The following CCDC77 variants were observed in gnomAD, a reference collection of about 807,000 sequenced individuals.
The protein encoded by CCDC77 is coiled-coil domain containing 77.
Under a neutral mutation model 66.8 loss-of-function variants are expected in CCDC77, and 56 were observed. The observed-to-expected ratio is 0.84, with a 90% CI of 0.68 to 1.05. The LOEUF (loss-of-function observed/expected upper bound fraction) is 1.05, where lower values mean the gene tolerates loss of function less well. Ranked by LOEUF, CCDC77 falls within the 50% of genes least tolerant of loss-of-function variation. The probability of loss-of-function intolerance (pLI) is 0.00; values close to 1 mark genes in which losing one functional copy is unlikely to be tolerated. For missense variants in CCDC77, 570 were observed against 576.8 expected (o/e 0.99, Z 0.12); for synonymous variants, 196 against 195.2 (o/e 1.00, Z -0.03).
chr12:391,386 T>C (rs1242127721), intron 1 of CCDC77, among the ~76,000 whole-genome samples: 1 of 151,078 alleles, frequency 6.6e-6, no homozygotes, highest in Non-Finnish European at 1.5e-5. Flanking sequence ...ACCCAGGAGG[T>C]GGAAGTTGTA....
intron 4 of CCDC77, among the ~76,000 whole-genome samples, chr12:416,397 A>ATGTG (rs1565569280): frequency 6.3e-5 from 3 of 47,902 alleles, no homozygotes; most frequent in African/African-American, 2.4e-4. Context: ...ATATATATAT[A>ATGTG]TATATATATA....
In CCDC77 at chr12:440,723, T is replaced by G. The variant is rs1945842111; in HGVS notation, c.1148T>G (p.Met383Arg). 1.9e-6 allele frequency: 3 copies of G among 1,613,960 alleles called. No individual in the cohort carries two copies. The highest frequency in any genetic ancestry group is 3.3e-5 in the Admixed American group (2 of 59,984). ...ELARIREEEG[M>R]RREIFKDRTN... Reference sequence around the variant, plus strand: ...GCCCGAATTCGTGAGGAAGAGGGAATGAGGAGAGAGATCTTCAAGGTACGA... The same window carrying G: ...GCCCGAATTCGTGAGGAAGAGGGAAGGAGGAGAGAGATCTTCAAGGTACGA... The change falls in exon 11 of 13, where the codon ATG becomes AGG. Residue 383 changes from methionine to arginine, a missense_variant. Physicochemically the swap from Met to Arg is moderately conservative, Grantham distance 91. Transcript: ENST00000239830.
chr12:407,977 T>C (rs1386649188), intron 2 of CCDC77, among the ~76,000 whole-genome samples: 5 of 151,868 alleles, frequency 3.3e-5, no homozygotes, highest in African/African-American at 9.7e-5. Context: ...TTAGTAGAGA[T>C]GGGGTTTCAC....
intron 6 of CCDC77, among the ~76,000 whole-genome samples, chr12:429,336 A>G (rs944228317): frequency 6.6e-6 from 1 of 152,086 alleles, no homozygotes; most frequent in African/African-American, 2.4e-5. Context: ...CTTCATTCCT[A>G]TAGAAATAGT....
intron 4 of CCDC77, among the ~76,000 whole-genome samples, chr12:416,363 GTGTGTGTGTGTGTGTATATATATATA>G (rs1945269559): frequency 1.1e-4 from 5 of 44,210 alleles, no homozygotes; most frequent in East Asian, 7.5e-4. Flanking sequence ...GTGTGTGTGT[GTGTGTGTGTGTGTGTATATATATATA>G]TATATATATA....
rs147497265 is a variant in CCDC77, at chr12:422,562, T to TG, written c.413+3926_413+3927insG. Among the ~76,000 whole-genome samples the TG allele has an allele frequency of 1.3e-4, 20 of 152,390 alleles. No individual in the cohort carries two copies. The East Asian group carries it at 3.9e-3, about 29-fold the overall frequency. ...GCTTATTTCACTCAGCGTAATGTCTTCAAGGTTCATCCATGTTGTAGCATG... is the reference window on the plus strand; with the variant it reads ...GCTTATTTCACTCAGCGTAATGTCTTGCAAGGTTCATCCATGTTGTAGCATG... On this transcript the variant is annotated intron_variant, in intron 5 of 12. Coordinates refer to ENST00000239830, the MANE Select transcript of CCDC77 (RefSeq NM_032358.4).
At chr12:429,606 A>C (rs1945610072) in intron 6 of CCDC77, among the ~76,000 whole-genome samples, 1 of 151,772 alleles carries the variant, frequency 6.6e-6, no homozygotes. Flanking sequence ...CTACAGGTGT[A>C]CACCACCACG....
intron 6 of CCDC77, among the ~76,000 whole-genome samples, chr12:429,894 G>A (rs1370408052): frequency 6.6e-6 from 1 of 152,168 alleles, no homozygotes; most frequent in African/African-American, 2.4e-5. Flanking sequence ...CCAAGTAGCT[G>A]GAACTACAGG....
At chr12:403,673 G>T (rs946930534) in intron 1 of CCDC77, among the ~76,000 whole-genome samples, 1 of 152,136 alleles carries the variant, frequency 6.6e-6, no homozygotes, top group African/African-American at 2.4e-5. Context: ...TGTAATTTTT[G>T]TAGAGACAGG....
At position 440,959 on chromosome 12, in the gene CCDC77, G is replaced by A. The variant is rs146023758; in HGVS notation, c.1283G>A (p.Arg428Gln). The A allele has an allele frequency of 7.9e-5, 127 of 1,612,854 alleles. No homozygotes were observed. Among genetic ancestry groups the A allele is most frequent in the South Asian group, 9.9e-5 (9 of 91,072 alleles). The change falls in exon 12 of 13, where the codon CGA becomes CAA. Residue 428 changes from arginine to glutamine, a missense_variant. Arg to Gln is a conservative substitution (Grantham distance 43). Transcript: ENST00000239830. ...EGFKTDIKVLRQKLKDLEQML... is the reference protein window; with the variant it reads ...EGFKTDIKVLQQKLKDLEQML... ...TTTAAGACAGATATTAAAGTTCTCCGACAGAAACTGAAAGACTTGGAGCAA... is the reference window on the plus strand; with the variant it reads ...TTTAAGACAGATATTAAAGTTCTCCAACAGAAACTGAAAGACTTGGAGCAA...
At chr12:407,574 C>G (rs1945019366) in intron 2 of CCDC77, among the ~76,000 whole-genome samples, 1 of 152,004 alleles carries the variant, frequency 6.6e-6, no homozygotes, top group African/African-American at 2.4e-5. Context: ...TGTGAGACTT[C>G]AGGAGATCAC....
intron 2 of CCDC77, among the ~76,000 whole-genome samples, chr12:408,187 A>T (rs1178634527): frequency 1.3e-5 from 2 of 152,166 alleles, no homozygotes; most frequent in Non-Finnish European, 2.9e-5. Flanking sequence ...CGAATGCTTG[A>T]TAAGAAAGTT....
chr12:391,925 T>G (rs1944761679), intron 1 of CCDC77, among the ~76,000 whole-genome samples: 1 of 152,212 alleles, frequency 6.6e-6, no homozygotes, highest in Admixed American at 6.5e-5. Flanking sequence ...TACAACCACC[T>G]CACATTCTGA....
At chr12:425,478 T>C (rs1945510655) in intron 5 of CCDC77, among the ~76,000 whole-genome samples, 2 of 152,056 alleles carry the variant, frequency 1.3e-5, no homozygotes, top group East Asian at 1.9e-4. Flanking sequence ...GAGCATCCTT[T>C]CAACTCTGGG....
upstream of CCDC77, among the ~76,000 whole-genome samples, chr12:399,006 C>T (rs1944863452): frequency 6.6e-6 from 1 of 152,064 alleles, no homozygotes; most frequent in South Asian, 2.1e-4. Flanking sequence ...CCCACGTTGG[C>T]CTTCCAAAGT....
At chr12:415,302 CATAATATTATGTTAATATAATCAACATA>C (rs200542835) in intron 4 of CCDC77, among the ~76,000 whole-genome samples, 6,183 of 125,930 alleles carry the variant, frequency 0.049, 999 homozygotes, top group Admixed American at 0.12. Context: ...ATATAATCAA[CATAATATTATGTTAATATAATCAACATA>C]ATATTATGTT....
At chr12:409,317 T>A in intron 2 of CCDC77, 51 bp from the exon 3 acceptor site, 1 of 1,368,218 alleles carries the variant, frequency 7.3e-7, no homozygotes, top group South Asian at 1.2e-5. Flanking sequence ...CTGTACTGTT[T>A]TTATTTTTCT....
In CCDC77 at chr12:440,951, A is replaced by C; in HGVS notation, c.1275A>C (p.Lys425Asn). The C allele has an allele frequency of 3.7e-6, 6 of 1,613,364 alleles. No individual in the cohort carries two copies. Among genetic ancestry groups the C allele is most frequent in the Non-Finnish European group, 5.1e-6 (6 of 1,180,036 alleles). ...TAGAAGGCTTTAAGACAGATATTAA[A>C]GTTCTCCGACAGAAACTGAAAGACT... ...LEVEGFKTDI[K>N]VLRQKLKDLE... Residue 425 changes from lysine to asparagine, a missense_variant, in exon 12 of 13, where the codon AAA becomes AAC. Coordinates refer to ENST00000239830, the MANE Select transcript of CCDC77 (RefSeq NM_032358.4).
chr12:435,890 C>T (rs1230728705), intron 9 of CCDC77, among the ~76,000 whole-genome samples: 1 of 152,044 alleles, frequency 6.6e-6, no homozygotes, highest in African/African-American at 2.4e-5. Context: ...AGGTGCATAC[C>T]ACCAAACCTG....
Sources: gnomAD v4.1 joint callset for allele counts (sites outside exome capture counted in the v4.1 genomes callset) on GRCh38, gnomAD v4.1.1 for gene constraint, MANE v1.5 for transcripts, NCBI Gene and HGNC (gene_info 2026-07-23, HGNC 2026-07-21) for gene names.